Variants in NKAIN3 observed in about 807,000 individuals in gnomAD.
The protein encoded by NKAIN3 is sodium/potassium transporting ATPase interacting 3.
A neutral mutation model predicts 30.2 loss-of-function variants in NKAIN3; 25 were observed. The ratio of observed to expected loss-of-function variants is 0.83; its 90% CI spans 0.60 to 1.16. The LOEUF (loss-of-function observed/expected upper bound fraction) is 1.16. NKAIN3 is among the 50% of genes most tolerant of loss of function. The pLI, the probability that NKAIN3 is intolerant of heterozygous loss-of-function variation, is 0.00. For synonymous variants in NKAIN3, 91 were observed against 89.6 expected (o/e 1.02, Z -0.09); for missense variants, 225 against 254.1 (o/e 0.89, Z 0.78).
intron 3 of NKAIN3, among the ~76,000 whole-genome samples, chr8:62,743,326 G>C (rs1262985045): frequency 1.3e-5 from 2 of 152,156 alleles, no homozygotes; most frequent in Non-Finnish European, 2.9e-5. Context: ...TACTGAAATA[G>C]ATAGAAATCA....
rs58525073 is a variant in NKAIN3 at position 62,593,346 on chromosome 8, TA to T, written c.273+3561del. ...AAAGTACAAAATTAAAGTACATAAT[TA>T]AAAAAAAATCTTCTTTGTGGATGAA... On this transcript the variant is annotated intron_variant, in intron 3 of 6. Coordinates refer to ENST00000623646, the MANE Select transcript of NKAIN3 (RefSeq NM_001304533.3). 8.7e-4 allele frequency among the ~76,000 whole-genome samples: 131 copies of T among 151,214 alleles called. 1 individual carries two copies. Among genetic ancestry groups the T allele is most frequent in the African/African-American group, 2.7e-3 (111 of 41,332 alleles).
chr8:62,998,735 C>T (rs189248201), intron 5 of NKAIN3, among the ~76,000 whole-genome samples: 1 of 152,300 alleles, frequency 6.6e-6, no homozygotes, highest in Non-Finnish European at 1.5e-5. Context: ...TTTCCTTTCA[C>T]TATGGTGGTT....
At chr8:62,851,467 G>T (rs976494194) in intron 4 of NKAIN3, among the ~76,000 whole-genome samples, 1 of 152,064 alleles carries the variant, frequency 6.6e-6, no homozygotes, top group African/African-American at 2.4e-5. Context: ...CTGCCTGATT[G>T]CCCTGGCCAG....
intron 1 of NKAIN3, among the ~76,000 whole-genome samples, chr8:62,319,754 A>G (rs990943173): frequency 5.3e-5 from 8 of 152,152 alleles, no homozygotes; most frequent in Non-Finnish European, 8.8e-5. Flanking sequence ...ACTTCCAACT[A>G]TGTGGCCAAT....
chr8:62,927,498 TAAAGA>T, intron 5 of NKAIN3, among the ~76,000 whole-genome samples: 1 of 152,312 alleles, frequency 6.6e-6, no homozygotes, highest in Non-Finnish European at 1.5e-5. Flanking sequence ...GTTTCTACCG[TAAAGA>T]AAAGACAAAT....
intron 1 of NKAIN3, among the ~76,000 whole-genome samples, chr8:62,458,732 A>C (rs1805897577): frequency 6.6e-6 from 1 of 152,240 alleles, no homozygotes; most frequent in African/African-American, 2.4e-5. Flanking sequence ...CATTTAATGA[A>C]TGTCTGTGAT....
chr8:62,513,157 G>A (rs1347119875), intron 1 of NKAIN3, among the ~76,000 whole-genome samples: 1 of 151,888 alleles, frequency 6.6e-6, no homozygotes, highest in South Asian at 2.1e-4. Context: ...TCTTGTCAAA[G>A]CATTTGCTTT....
At chr8:62,610,831 T>A (rs1198311183) in intron 3 of NKAIN3, among the ~76,000 whole-genome samples, 2 of 152,150 alleles carry the variant, frequency 1.3e-5, no homozygotes, top group East Asian at 3.9e-4. Flanking sequence ...ATTGTTCTCT[T>A]TGAATACAGA....
At chr8:62,877,902 T>C (rs1344679490) in intron 4 of NKAIN3, among the ~76,000 whole-genome samples, 1 of 151,952 alleles carries the variant, frequency 6.6e-6, no homozygotes, top group Non-Finnish European at 1.5e-5. Context: ...TAGCCGGGCA[T>C]GGTGGCACAT....
At chr8:62,530,371 T>G (rs1808450799) in intron 1 of NKAIN3, among the ~76,000 whole-genome samples, 2 of 152,172 alleles carry the variant, frequency 1.3e-5, no homozygotes. Flanking sequence ...GTCTTTATCC[T>G]GTGACCCTGA....
At chr8:62,603,116 G>A (rs1293678892) in intron 3 of NKAIN3, among the ~76,000 whole-genome samples, 2 of 152,168 alleles carry the variant, frequency 1.3e-5, no homozygotes, top group East Asian at 1.9e-4. Context: ...AGAACAATAC[G>A]TAGAACCATT....
intron 3 of NKAIN3, among the ~76,000 whole-genome samples, chr8:62,669,170 G>A (rs1813222291): frequency 1.3e-5 from 2 of 152,188 alleles, no homozygotes; most frequent in Non-Finnish European, 2.9e-5. Context: ...TGACTGGGAT[G>A]TTAACATTAG....
In NKAIN3 at chr8:62,248,994, A is replaced by G. The variant is rs2129384431; in HGVS notation, c.-80A>G. 7.6e-7 allele frequency: 1 copy of G among 1,312,066 alleles called. No homozygotes were observed. 81.3% of individuals were successfully genotyped at this position (1,312,066 alleles called of 1,614,324 possible). A position where few individuals can be genotyped will look rare whatever the true frequency, so the allele number is the denominator to read the frequency against. On this transcript the variant is annotated 5_prime_UTR_variant, in exon 1 of 7. Coordinates refer to ENST00000623646, the MANE Select transcript of NKAIN3 (RefSeq NM_001304533.3). ...GGAGCCTGGGCCGGGCCGGGCGGGG[A>G]CTACTCCGGAGTCAGGAGGCAGCAG... is the stretch of plus-strand genomic sequence containing the variant.
At chr8:62,616,086 T>C (rs75667223) in intron 3 of NKAIN3, among the ~76,000 whole-genome samples, 3,481 of 152,262 alleles carry the variant, frequency 0.023, 143 homozygotes, top group African/African-American at 0.08. Context: ...TAAATGAGAA[T>C]AGGTTATGTG....
chr8:62,740,251 G>A (rs1217402884), intron 3 of NKAIN3, among the ~76,000 whole-genome samples: 1 of 152,074 alleles, frequency 6.6e-6, no homozygotes, highest in Non-Finnish European at 1.5e-5. Flanking sequence ...CAATTGGCAT[G>A]AATTCTACTA....
At chr8:62,495,751 A>G (rs951548798) in intron 1 of NKAIN3, among the ~76,000 whole-genome samples, 2 of 152,054 alleles carry the variant, frequency 1.3e-5, no homozygotes, top group African/African-American at 4.8e-5. Flanking sequence ...ACCTAATTTA[A>G]TATTTCAACA....
Position 62,249,078 on chromosome 8 carries a change from G to T in NKAIN3, c.5G>T (p.Gly2Val). M[G>V]CCTGRCSLIC... ...CGCTCGGACGCCGCCGGCACCATGG[G>T]CTGCTGCACCGGACGCTGCTCGCTC... Residue 2 changes from glycine to valine, a missense_variant, in exon 1 of 7, where the codon GGC (glycine) becomes GTC (valine). By Grantham distance (109) the Gly-to-Val change is moderately radical. Transcript: ENST00000623646. 6.5e-7 allele frequency: 1 copy of T among 1,537,016 alleles called. No individual in the cohort carries two copies.
At position 62,974,584 on chromosome 8, in the gene NKAIN3, A is replaced by G. The variant is rs968727716; in HGVS notation, c.*9177A>G. 6.6e-6 allele frequency among the ~76,000 whole-genome samples: 1 copy of G among 152,186 alleles called. No homozygotes were observed. Among genetic ancestry groups the G allele is most frequent in the Non-Finnish European group, 1.5e-5 (1 of 68,034 alleles). On this transcript the variant is annotated 3_prime_UTR_variant, in exon 7 of 7. Transcript: ENST00000623646. ...GGGTTGAGACAATGGGGTTTTCTAAATGTACAACCATATCATCTGCAAACA... is the reference window on the plus strand; with the variant it reads ...GGGTTGAGACAATGGGGTTTTCTAAGTGTACAACCATATCATCTGCAAACA...
chr8:62,297,427 A>G (rs895554592), intron 1 of NKAIN3, among the ~76,000 whole-genome samples: 1 of 152,160 alleles, frequency 6.6e-6, no homozygotes, highest in African/African-American at 2.4e-5. Flanking sequence ...TACTCATCTG[A>G]CAAAGGGCTA....
Sources: gnomAD v4.1 joint callset for allele counts (sites outside exome capture counted in the v4.1 genomes callset) on GRCh38, gnomAD v4.1.1 for gene constraint, MANE v1.5 for transcripts, NCBI Gene and HGNC (gene_info 2026-07-23, HGNC 2026-07-21) for gene names.